The following SEMA5A variants were observed in gnomAD, a reference collection of about 807,000 sequenced individuals.
The protein encoded by SEMA5A is semaphorin 5A, also known as semaphorin-5A.
In SEMA5A, 55 loss-of-function variants were observed where a neutral mutation model predicts 135.5. The observed-to-expected ratio is 0.41, with a 90% CI of 0.33 to 0.51. The LOEUF (loss-of-function observed/expected upper bound fraction) is 0.51, where lower values mean the gene tolerates loss of function less well. SEMA5A is among the 20% of genes least tolerant of loss of function. SEMA5A has a pLI of 0.37. For synonymous variants in SEMA5A, 580 were observed against 546.5 expected (o/e 1.06, Z -0.85); for missense variants, 1,290 against 1,419.9 (o/e 0.91, Z 1.47).
intron 11 of SEMA5A, among the ~76,000 whole-genome samples, chr5:9,177,943 T>C (rs1299713957): frequency 2.0e-5 from 3 of 152,206 alleles, no homozygotes; most frequent in African/African-American, 7.2e-5. Context: ...CTGATATCCA[T>C]AAACACCTTG....
intron 5 of SEMA5A, among the ~76,000 whole-genome samples, chr5:9,283,991 T>A (rs1407272705): frequency 1.3e-5 from 2 of 151,768 alleles, no homozygotes; most frequent in Non-Finnish European, 2.9e-5. Context: ...AATAGATAGA[T>A]AGATAGATAG....
chr5:9,459,235 T>C (rs934823403), intron 1 of SEMA5A, among the ~76,000 whole-genome samples: 11 of 152,214 alleles, frequency 7.2e-5, no homozygotes, highest in African/African-American at 2.7e-4. Flanking sequence ...ACCTGCTTCC[T>C]CCTGTTCACA....
intron 11 of SEMA5A, among the ~76,000 whole-genome samples, chr5:9,189,050 C>G (rs955968514): frequency 4.6e-5 from 7 of 152,250 alleles, no homozygotes; most frequent in Non-Finnish European, 8.8e-5. Flanking sequence ...GTGGCACTGC[C>G]TGCCACTGGC....
intron 5 of SEMA5A, among the ~76,000 whole-genome samples, chr5:9,278,619 A>G (rs1316661877): frequency 6.6e-6 from 1 of 152,160 alleles, no homozygotes; most frequent in Non-Finnish European, 1.5e-5. Context: ...TCTAGGAGGG[A>G]AAAATGGTTT....
chr5:9,319,499 G>C (rs1752533043), intron 4 of SEMA5A, among the ~76,000 whole-genome samples: 1 of 152,118 alleles, frequency 6.6e-6, no homozygotes. Flanking sequence ...TAGTGTTGTA[G>C]GTTTTAGAAA....
chr5:9,215,229 A>AT (rs1441315780), intron 8 of SEMA5A, among the ~76,000 whole-genome samples: 1 of 152,212 alleles, frequency 6.6e-6, no homozygotes, highest in Non-Finnish European at 1.5e-5. Flanking sequence ...AAGTAAACAG[A>AT]TTTACCAGCA....
intron 8 of SEMA5A, among the ~76,000 whole-genome samples, chr5:9,208,940 A>T (rs1188821461): frequency 2.0e-5 from 3 of 152,162 alleles, no homozygotes; most frequent in Non-Finnish European, 4.4e-5. Flanking sequence ...GACAGAAAAA[A>T]GTTATTGCTA....
intron 5 of SEMA5A, among the ~76,000 whole-genome samples, chr5:9,257,575 G>A (rs577334673): frequency 6.6e-6 from 1 of 150,716 alleles, no homozygotes; most frequent in African/African-American, 2.4e-5. Context: ...TTTATACTAG[G>A]GACTGAGATT....
At chr5:9,061,343 A>C (rs1737170932) in intron 18 of SEMA5A, among the ~76,000 whole-genome samples, 1 of 152,166 alleles carries the variant, frequency 6.6e-6, no homozygotes, top group Non-Finnish European at 1.5e-5. Context: ...TTATTAAAAA[A>C]CAATCCCTGA....
At chr5:9,305,611 C>T (rs768046569) in intron 5 of SEMA5A, among the ~76,000 whole-genome samples, 4 of 151,414 alleles carry the variant, frequency 2.6e-5, no homozygotes, top group South Asian at 2.1e-4. Flanking sequence ...CAAAAGTGTA[C>T]GCCAAAACCC....
At chr5:9,227,835 C>T (rs1296588396) in intron 6 of SEMA5A, among the ~76,000 whole-genome samples, 4 of 152,190 alleles carry the variant, frequency 2.6e-5, no homozygotes, top group Non-Finnish European at 5.9e-5. Flanking sequence ...CAGGCGTGAG[C>T]CGCCACGCCC....
intron 1 of SEMA5A, among the ~76,000 whole-genome samples, chr5:9,541,863 C>G (rs1234775451): frequency 6.6e-6 from 1 of 152,150 alleles, no homozygotes; most frequent in African/African-American, 2.4e-5. Context: ...GCCTGGTTTC[C>G]TTAGCTATAC....
chr5:9,094,702 A>T (rs1046494198), intron 16 of SEMA5A, among the ~76,000 whole-genome samples: 32 of 152,232 alleles, frequency 2.1e-4, no homozygotes, highest in African/African-American at 7.2e-4. Context: ...ACACAATGAC[A>T]TTAGAGGTCC....
chr5:9,374,925 G>C (rs1274552994), intron 3 of SEMA5A, among the ~76,000 whole-genome samples: 1 of 151,958 alleles, frequency 6.6e-6, no homozygotes, highest in Non-Finnish European at 1.5e-5. Flanking sequence ...CCCTCCTACA[G>C]CACCGGGGTC....
intron 8 of SEMA5A, among the ~76,000 whole-genome samples, chr5:9,220,517 C>A (rs1335547505): frequency 1.3e-5 from 2 of 150,510 alleles, no homozygotes; most frequent in Admixed American, 1.3e-4. Context: ...ACCACCTGTG[C>A]CCCAGAAATT....
chr5:9,366,089 G>A (rs1471091665), intron 3 of SEMA5A, among the ~76,000 whole-genome samples: 1 of 152,236 alleles, frequency 6.6e-6, no homozygotes, highest in Non-Finnish European at 1.5e-5. Context: ...TTAATAGCCA[G>A]TGAGCTTTCG....
chr5:9,301,831 A>C (rs6880466), intron 5 of SEMA5A, among the ~76,000 whole-genome samples: 2,477 of 152,206 alleles, frequency 0.016, 53 homozygotes, highest in East Asian at 0.068. Flanking sequence ...GCTGTAACAA[A>C]TGGCCAGCAA....
At chr5:9,502,327 T>G (rs1210328833) in intron 1 of SEMA5A, among the ~76,000 whole-genome samples, 1 of 152,158 alleles carries the variant, frequency 6.6e-6, no homozygotes, top group African/African-American at 2.4e-5. Context: ...ATGATGAAGT[T>G]CCCTATATAT....
chr5:9,188,430 C>A (rs1191717525), intron 11 of SEMA5A, among the ~76,000 whole-genome samples: 2 of 152,186 alleles, frequency 1.3e-5, no homozygotes, highest in African/African-American at 2.4e-5. Context: ...ATTATAAACA[C>A]AAGAGAAGCA....
Sources: gnomAD v4.1 joint callset for allele counts (sites outside exome capture counted in the v4.1 genomes callset) on GRCh38, gnomAD v4.1.1 for gene constraint, MANE v1.5 for transcripts, NCBI Gene and HGNC (gene_info 2026-07-23, HGNC 2026-07-21) for gene names.